MTX2: variants seen among roughly 807,000 people sequenced by gnomAD.
MTX2 encodes the protein metaxin-2.
A neutral mutation model predicts 42.3 loss-of-function variants in MTX2; 35 were observed. The observed-to-expected ratio is 0.83, with a 90% CI of 0.63 to 1.10. The LOEUF is 1.10. MTX2 is among the 50% of genes least tolerant of loss of function. The probability of loss-of-function intolerance (pLI) is 0.00; values close to 1 mark genes in which losing one functional copy is unlikely to be tolerated. For synonymous variants in MTX2, 119 were observed against 100.9 expected (o/e 1.18, Z -1.08); for missense variants, 307 against 304.1 (o/e 1.01, Z -0.07).
chr2:176,316,016 C>G (rs1684428471), intron 3 of MTX2, among the ~76,000 whole-genome samples: 1 of 150,992 alleles, frequency 6.6e-6, no homozygotes, highest in Non-Finnish European at 1.5e-5. Context: ...TGGTGTAAAC[C>G]CCATAAGGAC....
intron 3 of MTX2, among the ~76,000 whole-genome samples, chr2:176,299,285 T>C (rs1380041546): frequency 6.6e-6 from 1 of 152,096 alleles, no homozygotes; most frequent in African/African-American, 2.4e-5. Flanking sequence ...GTAAATAGAT[T>C]TGTCAAGGTT....
At chr2:176,313,388 C>CTTTTTTTTTTTT (rs1207416607) in intron 3 of MTX2, among the ~76,000 whole-genome samples, 2 of 103,492 alleles carry the variant, frequency 1.9e-5, no homozygotes, top group African/African-American at 7.9e-5. Flanking sequence ...TACACTGATT[C>CTTTTTTTTTTTT]TTTTTTTTTT....
intron 9 of MTX2, among the ~76,000 whole-genome samples, chr2:176,332,552 A>T (rs1684887296): frequency 6.6e-6 from 1 of 151,336 alleles, no homozygotes; most frequent in African/African-American, 2.4e-5. Flanking sequence ...TAGCTCAACT[A>T]CTGGGGATGT....
intron 3 of MTX2, among the ~76,000 whole-genome samples, chr2:176,302,089 C>A (rs192154058): frequency 1.1e-3 from 170 of 149,416 alleles, no homozygotes; most frequent in African/African-American, 4.0e-3. Context: ...GAAAGAATTT[C>A]GCTTCATGTA....
intron 1 of MTX2, among the ~76,000 whole-genome samples, chr2:176,293,672 C>G (rs981808285): frequency 6.6e-6 from 1 of 152,204 alleles, no homozygotes; most frequent in African/African-American, 2.4e-5. Context: ...CTGCAGCTCT[C>G]ACCAGAAGCA....
At chr2:176,270,402 C>T (rs1442435418) in intron 1 of MTX2, 6 of 1,363,848 alleles carry the variant, frequency 4.4e-6, no homozygotes, top group Non-Finnish European at 5.9e-6. Flanking sequence ...GTGGACTGAA[C>T]ATGACTGATG....
Position 176,269,605 on chromosome 2 carries a change from C to A in MTX2, c.-25C>A. 1 of 1,573,614 alleles carries A rather than the reference C, an allele frequency of 6.4e-7. No individual in the cohort carries two copies. The highest frequency in any genetic ancestry group is 2.3e-5 in the East Asian group (1 of 42,980). Reference sequence around the variant, plus strand: ...GCTGAGGCCCGTGGGGGGCAGGCACCCGGGCGCCGGGCCTCCCAGCCGACA... The same window carrying A: ...GCTGAGGCCCGTGGGGGGCAGGCACACGGGCGCCGGGCCTCCCAGCCGACA... On this transcript the variant is annotated 5_prime_UTR_variant, in exon 1 of 10. Coordinates refer to ENST00000249442, the MANE Select transcript of MTX2 (RefSeq NM_006554.5).
At chr2:176,331,584 A>G (rs898406545) in intron 9 of MTX2, among the ~76,000 whole-genome samples, 1 of 151,234 alleles carries the variant, frequency 6.6e-6, no homozygotes, top group African/African-American at 2.4e-5. Flanking sequence ...ATATTAATCT[A>G]TAACACAAGT....
chr2:176,329,481 A>T, intron 8 of MTX2, 55 bp downstream of exon 8: 48 of 1,495,254 alleles, frequency 3.2e-5, no homozygotes, highest in Non-Finnish European at 4.3e-5. Flanking sequence ...TAAAAGAATC[A>T]TTCTTTATAT....
intron 4 of MTX2, among the ~76,000 whole-genome samples, chr2:176,324,781 A>G (rs752727261): frequency 2.6e-4 from 39 of 151,774 alleles, no homozygotes; most frequent in Non-Finnish European, 4.0e-4. Flanking sequence ...TTCTAGAGAC[A>G]TACAAAAATA....
At chr2:176,279,403 G>A (rs1693028777) in intron 1 of MTX2, among the ~76,000 whole-genome samples, 1 of 152,020 alleles carries the variant, frequency 6.6e-6, no homozygotes, top group African/African-American at 2.4e-5. Context: ...AGTAATATTG[G>A]CAGCTGACTC....
intron 6 of MTX2, 63 bp from the exon 7 acceptor site, chr2:176,328,811 A>C: frequency 6.6e-7 from 1 of 1,524,770 alleles, no homozygotes; most frequent in East Asian, 2.3e-5. Flanking sequence ...GGCAAAAAAT[A>C]ACTTTCTTTA....
intron 3 of MTX2, among the ~76,000 whole-genome samples, chr2:176,300,874 G>A (rs1224223703): frequency 6.6e-6 from 1 of 152,004 alleles, no homozygotes; most frequent in Non-Finnish European, 1.5e-5. Flanking sequence ...AGAGTACCTG[G>A]CATATTGTAA....
At chr2:176,337,411 T>A in intron 9 of MTX2, 82 bp from the exon 10 acceptor site, 1 of 1,213,344 alleles carries the variant, frequency 8.2e-7, no homozygotes, top group African/African-American at 1.6e-5. Context: ...GTATGGGACC[T>A]GTGGGTGAAG....
chr2:176,333,791 T>C (rs999090792), intron 9 of MTX2, among the ~76,000 whole-genome samples: 1 of 151,718 alleles, frequency 6.6e-6, no homozygotes, highest in Non-Finnish European at 1.5e-5. Context: ...CACATTATCA[T>C]TGTGTTACAG....
rs535909965 is a variant in MTX2, at chr2:176,304,202, G to A, written c.135+6307G>A. 11 of 154,436 alleles carry A rather than the reference G, an allele frequency of 7.1e-5. No individual in the cohort carries two copies. The South Asian group carries it at 1.8e-3, about 26-fold the overall frequency. 9.6% of individuals were successfully genotyped at this position (154,436 alleles called of 1,614,324 possible). On this transcript the variant is annotated intron_variant, in intron 3 of 9. Coordinates refer to ENST00000249442, the MANE Select transcript of MTX2 (RefSeq NM_006554.5). ...AGATGAAATTACCCTTGAATGAATA[G>A]CATCTTCATTTATCTTCAAACCCCT...
At chr2:176,280,590 G>T (rs967924799) in intron 1 of MTX2, among the ~76,000 whole-genome samples, 1 of 152,074 alleles carries the variant, frequency 6.6e-6, no homozygotes, top group African/African-American at 2.4e-5. Flanking sequence ...CTTTCCACAA[G>T]GTCAGACTTC....
rs770993416 is a variant in MTX2, at chr2:176,269,475, C to A, written c.-155C>A. 2 of 787,030 alleles carry A rather than the reference C, an allele frequency of 2.5e-6. No individual in the cohort carries two copies. Among genetic ancestry groups the A allele is most frequent in the Non-Finnish European group, 3.8e-6 (2 of 527,810 alleles). 48.8% of individuals were successfully genotyped at this position (787,030 alleles called of 1,614,324 possible). A position where few individuals can be genotyped will look rare whatever the true frequency, so the allele number is the denominator to read the frequency against. The stretch of plus-strand genomic sequence containing the variant: ...CCAGGCCTGGCGGTAACCTTGGGGG[C>A]CTCACTGCAGCCGCCGCTGCTGTTG... On this transcript the variant is annotated 5_prime_UTR_variant, in exon 1 of 10. Transcript: ENST00000249442.
chr2:176,333,599 C>CA (rs1393969329), intron 9 of MTX2, among the ~76,000 whole-genome samples: 3 of 151,480 alleles, frequency 2.0e-5, no homozygotes, highest in South Asian at 4.2e-4. Flanking sequence ...GGAAAAATTA[C>CA]AAAAAATATG....
Sources: allele counts gnomAD v4.1 joint callset (sites outside exome capture counted in the v4.1 genomes callset), GRCh38; gene constraint gnomAD v4.1.1; transcripts MANE v1.5; gene names NCBI Gene and HGNC (gene_info 2026-07-23, HGNC 2026-07-21).